The following WDR48 variants were observed in gnomAD, a reference collection of about 807,000 sequenced individuals.
WDR48 encodes WD repeat-containing protein 48.
A neutral mutation model predicts 94.0 loss-of-function variants in WDR48; 22 were observed. The ratio of observed to expected loss-of-function variants is 0.23; its 90% CI spans 0.17 to 0.33. The LOEUF (loss-of-function observed/expected upper bound fraction) is 0.33, where lower values mean the gene tolerates loss of function less well. WDR48 is among the 10% of genes least tolerant of loss of function. WDR48 has a pLI of 1.00. For missense variants in WDR48, 541 were observed against 813.8 expected (o/e 0.66, Z 4.08); for synonymous variants, 278 against 280.5 (o/e 0.99, Z 0.09).
intron 17 of WDR48, 129 bp downstream of exon 17, chr3:39,091,830 C>T: frequency 1.2e-6 from 1 of 803,382 alleles, no homozygotes; most frequent in Non-Finnish European, 1.8e-6. Context: ...AAAGTTTATA[C>T]AATTAAACCA....
At chr3:39,060,828 A>G (rs1210292192) in intron 1 of WDR48, among the ~76,000 whole-genome samples, 1 of 152,260 alleles carries the variant, frequency 6.6e-6, no homozygotes, top group East Asian at 1.9e-4. Flanking sequence ...TCAGCTGGGC[A>G]CAGTGGCATA....
intron 10 of WDR48, among the ~76,000 whole-genome samples, chr3:39,078,798 A>G (rs891669390): frequency 6.7e-6 from 1 of 148,268 alleles, no homozygotes; most frequent in Non-Finnish European, 1.5e-5. Context: ...TGGGAGGCCA[A>G]GGCGGGCGGA....
Position 39,081,486 on chromosome 3 carries a change from T to C in WDR48, c.1173+1678T>C, listed in dbSNP as rs138572497. 3.6e-3 allele frequency among the ~76,000 whole-genome samples: 547 copies of C among 152,290 alleles called. 5 individuals carry two copies. Among genetic ancestry groups the C allele is most frequent in the Middle Eastern group, 0.014 (4 of 294 alleles). On this transcript the variant is annotated intron_variant, in intron 11 of 18. Coordinates refer to ENST00000302313, the MANE Select transcript of WDR48 (RefSeq NM_020839.4). Reference sequence around the variant, plus strand: ...TTCAAAAATCTGATTAGTTTTTCTCTACAATAGAGAGATGCCTGTTGGGGG... The same window carrying C: ...TTCAAAAATCTGATTAGTTTTTCTCCACAATAGAGAGATGCCTGTTGGGGG...
At chr3:39,064,893 T>C (rs1015597104) in intron 2 of WDR48, among the ~76,000 whole-genome samples, 5 of 152,256 alleles carry the variant, frequency 3.3e-5, no homozygotes, top group Admixed American at 6.5e-5. Context: ...TTGGTACTTA[T>C]AATTGAATTG....
At position 39,069,952 on chromosome 3, in the gene WDR48, A is replaced by G. The variant is rs535283118; in HGVS notation, c.672+208A>G. The stretch of plus-strand genomic sequence containing the variant: ...TTTTAACAAAACAAAGAATTTCCTT[A>G]GAATAATTCTGATGCAGATGAGTAT... On this transcript the variant is annotated intron_variant, in intron 7 of 18. Transcript: ENST00000302313. Among the ~76,000 whole-genome samples the G allele has an allele frequency of 2.6e-5, 4 of 152,356 alleles. No homozygotes were observed. In the South Asian group the frequency reaches 8.3e-4, roughly 32 times the overall value.
chr3:39,084,339 CAG>C, intron 12 of WDR48, 77 bp downstream of exon 12: 1 of 1,080,358 alleles, frequency 9.3e-7, no homozygotes, highest in African/African-American at 1.6e-5. Flanking sequence ...TTATTAGTTA[CAG>C]AGTCCTGTGT....
At position 39,088,249 on chromosome 3, in the gene WDR48, A is replaced by C; in HGVS notation, c.1580+16A>C. 6.2e-7 allele frequency: 1 copy of C among 1,612,696 alleles called. No homozygotes were observed. Among genetic ancestry groups the C allele is most frequent in the East Asian group, 2.2e-5 (1 of 44,864 alleles). ...CACTGTTCAGGTATGGGTAAGAAAG[A>C]CAAGAGGTTCTGCCTGAGAAGGTAT... On this transcript the variant is annotated intron_variant, in intron 15 of 18. Coordinates refer to ENST00000302313, the MANE Select transcript of WDR48 (RefSeq NM_020839.4).
Position 39,085,096 on chromosome 3 carries a change from G to A in WDR48, c.1378+355G>A, listed in dbSNP as rs901558571. 7.9e-5 allele frequency among the ~76,000 whole-genome samples: 12 copies of A among 152,196 alleles called. No individual in the cohort carries two copies. In the East Asian group the frequency reaches 1.9e-3, roughly 25 times the overall value. ...CAAAAAATTAGCCGGGCGTGGTGGC[G>A]GGTGCCTGTAGTCCCAGCTATTCGG... On this transcript the variant is annotated intron_variant, in intron 13 of 18. Transcript: ENST00000302313.
chr3:39,082,610 G>T (rs556239877), intron 11 of WDR48, among the ~76,000 whole-genome samples: 1 of 152,240 alleles, frequency 6.6e-6, no homozygotes, highest in Admixed American at 6.5e-5. Context: ...AAAGGAGTAT[G>T]AGGAAAGGAA....
intron 1 of WDR48, among the ~76,000 whole-genome samples, chr3:39,056,266 AC>A: frequency 6.6e-6 from 1 of 152,262 alleles, no homozygotes; most frequent in African/African-American, 2.4e-5. Flanking sequence ...AGGAAGTGTT[AC>A]AAAAATAAAT....
intron 1 of WDR48, among the ~76,000 whole-genome samples, chr3:39,057,128 A>G (rs778966139): frequency 3.0e-4 from 45 of 152,238 alleles, no homozygotes; most frequent in Admixed American, 7.2e-4. Context: ...AGTACTTAGT[A>G]GATAGCCTTA....
chr3:39,057,647 A>T (rs1369607368), intron 1 of WDR48, among the ~76,000 whole-genome samples: 4 of 151,612 alleles, frequency 2.6e-5, no homozygotes, highest in Non-Finnish European at 5.9e-5. Flanking sequence ...TTTTTGAGAC[A>T]TTGTCTCACT....
chr3:39,064,143 G>T (rs1161773728), intron 2 of WDR48, among the ~76,000 whole-genome samples: 1 of 151,972 alleles, frequency 6.6e-6, no homozygotes, highest in East Asian at 1.9e-4. Flanking sequence ...GAGAAAAGAA[G>T]AATCAGGGAA....
intron 13 of WDR48, 25 bp downstream of exon 13, chr3:39,084,766 T>A (rs2034719612): frequency 3.1e-6 from 5 of 1,595,710 alleles, no homozygotes; most frequent in Non-Finnish European, 4.3e-6. Flanking sequence ...CCTTCATTTT[T>A]TTCCTCCCTT....
intron 1 of WDR48, among the ~76,000 whole-genome samples, chr3:39,062,725 G>A (rs958652200): frequency 2.6e-5 from 4 of 152,276 alleles, no homozygotes; most frequent in South Asian, 2.1e-4. Flanking sequence ...AGCAACTGGA[G>A]GTTTTTGAGC....
At chr3:39,074,678 A>G (rs770482987) in intron 7 of WDR48, 48 bp from the exon 8 acceptor site, 2 of 1,599,294 alleles carry the variant, frequency 1.3e-6, no homozygotes, top group South Asian at 2.2e-5. Context: ...AGCACAAGAA[A>G]GCAGGAACTT....
In WDR48 at chr3:39,076,560, G is replaced by A. The variant is rs925442493; in HGVS notation, c.898-579G>A. ...GCCCTGTTCCCATCACTGCAAACCT[G>A]CGGTTTCCTGATGTGGGAAGAATAG... On this transcript the variant is annotated intron_variant, in intron 8 of 18. Coordinates refer to ENST00000302313, the MANE Select transcript of WDR48 (RefSeq NM_020839.4). Among the ~76,000 whole-genome samples the A allele has an allele frequency of 2.0e-5, 3 of 152,194 alleles. No individual in the cohort carries two copies. The East Asian group carries it at 5.8e-4, about 29-fold the overall frequency.
At position 39,085,630 on chromosome 3, in the gene WDR48, T is replaced by C; in HGVS notation, c.1474+20T>C. 1 of 1,589,236 alleles carries C rather than the reference T, an allele frequency of 6.3e-7. No individual in the cohort carries two copies. The highest frequency in any genetic ancestry group is 1.1e-5 in the South Asian group (1 of 87,262). ...ACCATGGTTAGTTTTTATATTCAGA[T>C]AGTTGCATAAAAAGTTAGAGGTACT... is the stretch of plus-strand genomic sequence containing the variant. On this transcript the variant is annotated intron_variant, in intron 14 of 18. Transcript: ENST00000302313.
chr3:39,066,090 A>G (rs867194881), intron 3 of WDR48, among the ~76,000 whole-genome samples: 8 of 152,208 alleles, frequency 5.3e-5, no homozygotes, highest in African/African-American at 2.4e-5. Context: ...CCTTTCAGTT[A>G]TTCCCTCTTG....
Sources: gnomAD v4.1 joint callset for allele counts (sites outside exome capture counted in the v4.1 genomes callset) on GRCh38, gnomAD v4.1.1 for gene constraint, MANE v1.5 for transcripts, NCBI Gene and HGNC (gene_info 2026-07-23, HGNC 2026-07-21) for gene names.